Variants in HSH2D observed in about 807,000 individuals in gnomAD.
The protein encoded by HSH2D is hematopoietic SH2 domain containing.
Under a neutral mutation model 21.5 loss-of-function variants are expected in HSH2D, and 16 were observed. The ratio of observed to expected loss-of-function variants is 0.74; its 90% CI spans 0.50 to 1.13. The LOEUF is 1.13. HSH2D is among the 50% of genes most tolerant of loss of function. The pLI is 0.00. For missense variants in HSH2D, 418 were observed against 441.4 expected (o/e 0.95, Z 0.47); for synonymous variants, 172 against 184.7 (o/e 0.93, Z 0.56).
intron 1 of HSH2D, among the ~76,000 whole-genome samples, chr19:16,137,038 C>T (rs909192297): frequency 2.0e-5 from 3 of 152,182 alleles, no homozygotes; most frequent in Admixed American, 2.0e-4. Flanking sequence ...TGTGTGTCCA[C>T]GTCCTTGTTC....
intron 1 of HSH2D, among the ~76,000 whole-genome samples, chr19:16,148,042 A>G (rs2091096537): frequency 6.6e-6 from 1 of 152,062 alleles, no homozygotes; most frequent in African/African-American, 2.4e-5. Context: ...CACTGCAGCC[A>G]TATCCTCCTG....
At position 16,154,429 on chromosome 19, in the gene HSH2D, C is replaced by G; in HGVS notation, c.412C>G (p.Leu138Val). 6.4e-7 allele frequency: 1 copy of G among 1,551,996 alleles called. No individual in the cohort carries two copies. The highest frequency in any genetic ancestry group is 1.2e-5 in the South Asian group (1 of 84,078). Reference sequence around the variant, plus strand: ...TCCCGCAAACGTGGATTACGAGGATCTCTTCCTCTACTCCAACGCAGTGGC... The same window carrying G: ...TCCCGCAAACGTGGATTACGAGGATGTCTTCCTCTACTCCAACGCAGTGGC... ...KDPANVDYED[L>V]FLYSNAVAEE... Residue 138 changes from leucine (L) to valine (V), a missense_variant, in exon 5 of 6, where the codon CTC becomes GTC. Coordinates refer to ENST00000613986, the MANE Select transcript of HSH2D (RefSeq NM_001382417.1).
At chr19:16,134,710 C>T (rs555843420) in intron 1 of HSH2D, among the ~76,000 whole-genome samples, 7 of 152,268 alleles carry the variant, frequency 4.6e-5, no homozygotes, top group Admixed American at 2.6e-4. Flanking sequence ...GTTGTAGCCA[C>T]GACCACCTGG....
intron 1 of HSH2D, among the ~76,000 whole-genome samples, chr19:16,136,024 C>T (rs2090961516): frequency 6.6e-6 from 1 of 152,150 alleles, no homozygotes; most frequent in African/African-American, 2.4e-5. Flanking sequence ...CCAGGCATTG[C>T]AAACTCAGTG....
upstream of HSH2D, chr19:16,143,667 G>A (rs1029242739): frequency 2.4e-6 from 1 of 424,526 alleles, no homozygotes; most frequent in African/African-American, 2.1e-5. Context: ...ACTGCCTCGG[G>A]GCAGCCAGCC....
chr19:16,152,242 C>A (rs1450917170), intron 2 of HSH2D, among the ~76,000 whole-genome samples: 1 of 151,594 alleles, frequency 6.6e-6, no homozygotes. Context: ...ACAGTGAAAC[C>A]CCATCTCTAC....
rs144610258 is a variant in HSH2D, at chr19:16,147,101, C to T, written c.-27-1623C>T. Among the ~76,000 whole-genome samples, 1,277 of 152,228 alleles carry T rather than the reference C, an allele frequency of 8.4e-3. 13 individuals are homozygous for T. The highest frequency in any genetic ancestry group is 0.029 in the African/African-American group (1,210 of 41,552). ...TCAGCCTCCCAAAGTGCTGGGATTA[C>T]AGGCGTGAACCACCATGCCCAGCTC... On this transcript the variant is annotated intron_variant, in intron 1 of 5. Transcript: ENST00000613986.
chr19:16,157,309 C>T lies in HSH2D; in HGVS notation c.574C>T (p.Pro192Ser), dbSNP rs372983878. 8.1e-5 allele frequency: 130 copies of T among 1,613,080 alleles called. No individual in the cohort carries two copies. Among genetic ancestry groups the T allele is most frequent in the Non-Finnish European group, 1.1e-4 (127 of 1,179,636 alleles). Residue 192 changes from proline (P) to serine (S), a missense_variant, in exon 6 of 6, where the codon CCA becomes TCA. By Grantham distance (74) the Pro-to-Ser change is moderately conservative. Transcript: ENST00000613986. The surrounding 1 kb of genome is among the most constrained non-coding windows in gnomAD (Gnocchi z 4.4). Reference sequence around the variant, plus strand: ...CAAGGAAGCCACTTCCTCCTGCCCCCCAAAATCCCCTCTTGGAGAGACCCG... The same window carrying T: ...CAAGGAAGCCACTTCCTCCTGCCCCTCAAAATCCCCTCTTGGAGAGACCCG... ...TTKEATSSCP[P>S]KSPLGETRQK...
At chr19:16,148,926 C>T in intron 2 of HSH2D, 51 bp downstream of exon 2, 1 of 1,549,946 alleles carries the variant, frequency 6.5e-7, no homozygotes, top group Non-Finnish European at 8.7e-7. Flanking sequence ...CTGTCCTTGT[C>T]TGTCCCTACC....
chr19:16,145,308 A>C (rs1380759662), intron 1 of HSH2D, among the ~76,000 whole-genome samples: 1 of 150,930 alleles, frequency 6.6e-6, no homozygotes, highest in African/African-American at 2.4e-5. Flanking sequence ...CGCCTCCCAG[A>C]TTCACGCAAT....
intron 5 of HSH2D, 139 bp downstream of exon 5, chr19:16,154,630 T>A: frequency 1.8e-6 from 1 of 542,738 alleles, no homozygotes; most frequent in Non-Finnish European, 3.3e-6. Context: ...TTCCAGTGCT[T>A]TTGCAACACC....
chr19:16,137,098 G>A (rs545479191), intron 1 of HSH2D, among the ~76,000 whole-genome samples: 41 of 152,266 alleles, frequency 2.7e-4, no homozygotes, highest in African/African-American at 7.0e-4. Context: ...AGATGAGGCC[G>A]TTTCAATGGC....
rs1009126924 is a variant in HSH2D, at chr19:16,134,627, T to C, written c.-324+392T>C. Among the ~76,000 whole-genome samples, 23 of 152,238 alleles carry C rather than the reference T, an allele frequency of 1.5e-4. 1 individual carries two copies. The highest frequency in any genetic ancestry group is 5.5e-4 in the African/African-American group (23 of 41,544). Reference sequence around the variant, plus strand: ...CAATTTGAATGTCTCATCGGCACCGTAAGCATAACACAGCCCTGACCCTGG... The same window carrying C: ...CAATTTGAATGTCTCATCGGCACCGCAAGCATAACACAGCCCTGACCCTGG... On this transcript the variant is annotated intron_variant, in intron 1 of 7. Coordinates refer to the HSH2D transcript ENST00000616645.
upstream of HSH2D, chr19:16,142,200 T>C (rs2091006246): frequency 6.6e-6 from 1 of 152,132 alleles, no homozygotes; most frequent in South Asian, 2.1e-4. Flanking sequence ...CAATTCAGTT[T>C]CAAGGCCTTT....
intron 5 of HSH2D, 54 bp downstream of exon 5, chr19:16,154,545 G>T: frequency 8.6e-7 from 1 of 1,159,984 alleles, no homozygotes. Flanking sequence ...GGCAGGAGTG[G>T]AGGTGGTCAA....
chr19:16,137,639 T>C (rs978161520), intron 1 of HSH2D, among the ~76,000 whole-genome samples: 17 of 151,288 alleles, frequency 1.1e-4, no homozygotes, highest in Non-Finnish European at 2.4e-4. Context: ...TGGAGTGCAG[T>C]GGTGGGATCA....
At chr19:16,152,342 C>T (rs567183582) in intron 2 of HSH2D, among the ~76,000 whole-genome samples, 17 of 150,628 alleles carry the variant, frequency 1.1e-4, no homozygotes, top group African/African-American at 3.7e-4. Flanking sequence ...GGCGTGAATC[C>T]GGGAGGCGGA....
At chr19:16,150,494 G>T (rs375100301) in intron 2 of HSH2D, among the ~76,000 whole-genome samples, 4 of 151,828 alleles carry the variant, frequency 2.6e-5, no homozygotes, top group Admixed American at 2.6e-4. Flanking sequence ...AGCTGAGGTC[G>T]TGCCACTGCA....
chr19:16,148,357 C>G (rs111321266), intron 1 of HSH2D, among the ~76,000 whole-genome samples: 3 of 152,068 alleles, frequency 2.0e-5, no homozygotes, highest in Non-Finnish European at 4.4e-5. Context: ...TGATGTTGGC[C>G]GGGCTGGTCT....
Sources: allele counts gnomAD v4.1 joint callset (sites outside exome capture counted in the v4.1 genomes callset), GRCh38; gene constraint gnomAD v4.1.1; non-coding constraint Gnocchi (gnomAD v3.1); transcripts MANE v1.5; gene names NCBI Gene and HGNC (gene_info 2026-07-23, HGNC 2026-07-21).